Variants in FYB1 observed in about 807,000 individuals in gnomAD.
FYB1 encodes the protein FYN-binding protein 1.
In FYB1, 41 loss-of-function variants were observed where a neutral mutation model predicts 94.1. The ratio of observed to expected loss-of-function variants is 0.44; its 90% CI spans 0.34 to 0.57. The LOEUF is 0.57. FYB1 is among the 20% of genes least tolerant of loss of function. The probability of loss-of-function intolerance (pLI) is 0.02; values close to 1 mark genes in which losing one functional copy is unlikely to be tolerated. For missense variants in FYB1, 1,050 were observed against 976.8 expected (o/e 1.07, Z -1.00); for synonymous variants, 367 against 353.2 (o/e 1.04, Z -0.44).
At chr5:39,160,031 G>A (rs1744107385) in intron 2 of FYB1, among the ~76,000 whole-genome samples, 1 of 152,032 alleles carries the variant, frequency 6.6e-6, no homozygotes, top group Non-Finnish European at 1.5e-5. Context: ...CCCTACATTT[G>A]CTACTTCTAT....
intron 1 of FYB1, among the ~76,000 whole-genome samples, chr5:39,269,076 G>A (rs751325223): frequency 6.6e-6 from 1 of 151,588 alleles, no homozygotes; most frequent in Non-Finnish European, 1.5e-5. Flanking sequence ...TTGAGATGGA[G>A]TCTTGCTCTG....
chr5:39,182,269 T>TTG (rs377762853), intron 2 of FYB1, among the ~76,000 whole-genome samples: 1,565 of 135,396 alleles, frequency 0.012, 37 homozygotes, highest in African/African-American at 0.042. Flanking sequence ...CAAATGCTTT[T>TTG]TGTGTGTGTG....
Position 39,202,479 on chromosome 5 carries a change from G to T in FYB1, c.482C>A (p.Thr161Asn). Residue 161 changes from threonine to asparagine, a missense_variant, in exon 2 of 19, where the codon ACC becomes AAC. Thr to Asn is a moderately conservative substitution (Grantham distance 65, BLOSUM62 0). Transcript: ENST00000512982. ...CGCTTGCTTCTGTTCATTTTCTGAG[G>T]TTGGAGGAGTAGGCCCAGATTTCGG... ...LGPKSGPTPP[T>N]SENEQKQAFP... 1 of 1,613,954 alleles carries T rather than the reference G, an allele frequency of 6.2e-7. No homozygotes were observed. The highest frequency in any genetic ancestry group is 8.5e-7 in the Non-Finnish European group (1 of 1,179,888).
chr5:39,126,276 C>A (rs1483904480), intron 11 of FYB1, 141 bp from the exon 12 acceptor site: 1 of 857,832 alleles, frequency 1.2e-6, no homozygotes, highest in East Asian at 2.7e-5. Context: ...TTTTATTGGA[C>A]AAAATAGTGT....
chr5:39,220,181 G>A (rs1329190011), upstream of FYB1, among the ~76,000 whole-genome samples: 1 of 152,062 alleles, frequency 6.6e-6, no homozygotes, highest in East Asian at 1.9e-4. Flanking sequence ...GGCTGAGGCA[G>A]GAGGATTGCT....
At chr5:39,229,806 C>A (rs1413485076) in intron 1 of FYB1, among the ~76,000 whole-genome samples, 3 of 152,122 alleles carry the variant, frequency 2.0e-5, no homozygotes, top group Non-Finnish European at 4.4e-5. Flanking sequence ...GTATAATAGT[C>A]CAGATCCACT....
Position 39,219,509 on chromosome 5 carries a change from G to A in FYB1, c.-94C>T. On this transcript the variant is annotated 5_prime_UTR_variant, in exon 1 of 19. Transcript: ENST00000512982. Reference sequence around the variant, plus strand: ...TGGATCTTCCTGGGCCAGGGTCTGGGCCCTACTCACTTCTAGCTGTCGCAT... The same window carrying A: ...TGGATCTTCCTGGGCCAGGGTCTGGACCCTACTCACTTCTAGCTGTCGCAT... 3 of 985,456 alleles carry A rather than the reference G, an allele frequency of 3.0e-6. No homozygotes were observed. The highest frequency in any genetic ancestry group is 2.4e-6 in the Non-Finnish European group (2 of 829,950). 61.0% of individuals were successfully genotyped at this position (985,456 alleles called of 1,614,324 possible).
At chr5:39,154,840 C>T (rs575677163) in intron 2 of FYB1, among the ~76,000 whole-genome samples, 2 of 152,254 alleles carry the variant, frequency 1.3e-5, no homozygotes, top group South Asian at 4.1e-4. Context: ...AATCCACCCG[C>T]CTTGTCCTCC....
rs201436179 is a variant in FYB1 at position 39,201,855 on chromosome 5, G to C, written c.1106C>G (p.Thr369Arg). Residue 369 changes from threonine (T) to arginine (R), a missense_variant, in exon 2 of 19, where the codon ACG becomes AGG. Thr to Arg is a moderately conservative substitution (Grantham distance 71). Coordinates refer to ENST00000512982, the MANE Select transcript of FYB1 (RefSeq NM_001465.6). ...TCCAGAAGAGGTTTTGTGGAATTTC[G>C]TCAGGTCAACATTTGGTGGTCTGTT... ...KPNRPPNVDL[T>R]KFHKTSSGNS... 1.0e-4 allele frequency: 163 copies of C among 1,613,144 alleles called. No homozygotes were observed. In the African/African-American group the frequency reaches 1.8e-3, roughly 18 times the overall value.
chr5:39,131,080 G>A (rs1477156391), intron 9 of FYB1, among the ~76,000 whole-genome samples: 2 of 152,050 alleles, frequency 1.3e-5, no homozygotes, highest in African/African-American at 4.8e-5. Context: ...TCTTTAAAGG[G>A]AGAACTTTAA....
At chr5:39,179,456 CT>C (rs1185268821) in intron 2 of FYB1, among the ~76,000 whole-genome samples, 1 of 152,084 alleles carries the variant, frequency 6.6e-6, no homozygotes, top group Non-Finnish European at 1.5e-5. Context: ...TTTTCAGTAA[CT>C]TTTTACTTCA....
At chr5:39,181,883 G>A (rs1746276166) in intron 2 of FYB1, among the ~76,000 whole-genome samples, 1 of 151,590 alleles carries the variant, frequency 6.6e-6, no homozygotes, top group African/African-American at 2.4e-5. Flanking sequence ...TTTTTTAATT[G>A]TGGTAAGAAT....
chr5:39,231,762 A>T (rs1272028812), intron 1 of FYB1, among the ~76,000 whole-genome samples: 2 of 150,222 alleles, frequency 1.3e-5, no homozygotes, highest in African/African-American at 5.0e-5. Flanking sequence ...TCTCTTTCAC[A>T]GAGGGGAGAA....
intron 2 of FYB1, among the ~76,000 whole-genome samples, chr5:39,181,452 T>G (rs1428976): frequency 0.028 from 4,306 of 152,142 alleles, 212 homozygotes; most frequent in African/African-American, 0.098. Flanking sequence ...AACTGATAGA[T>G]CTATAGTCTG....
At chr5:39,190,906 C>A (rs1398136968) in intron 2 of FYB1, among the ~76,000 whole-genome samples, 1 of 152,024 alleles carries the variant, frequency 6.6e-6, no homozygotes, top group Non-Finnish European at 1.5e-5. Context: ...AAGCTGCAAT[C>A]TAGATCCTCA....
chr5:39,212,488 A>G (rs1225715759), intron 1 of FYB1, among the ~76,000 whole-genome samples: 1 of 152,120 alleles, frequency 6.6e-6, no homozygotes, highest in Non-Finnish European at 1.5e-5. Context: ...ACAATGTGGG[A>G]TATCCTCCCT....
At chr5:39,161,767 C>A (rs1324143056) in intron 2 of FYB1, among the ~76,000 whole-genome samples, 1 of 152,088 alleles carries the variant, frequency 6.6e-6, no homozygotes. Flanking sequence ...TACAGTTGTG[C>A]AACCAGTACT....
At chr5:39,140,203 C>T (rs375729942) in intron 4 of FYB1, among the ~76,000 whole-genome samples, 1 of 152,010 alleles carries the variant, frequency 6.6e-6, no homozygotes, top group Non-Finnish European at 1.5e-5. Flanking sequence ...GACAACTGAC[C>T]GAATGGGAGA....
intron 1 of FYB1, among the ~76,000 whole-genome samples, chr5:39,265,864 G>T (rs1353425616): frequency 1.3e-5 from 2 of 152,064 alleles, no homozygotes; most frequent in Non-Finnish European, 2.9e-5. Flanking sequence ...AACCTTTGTT[G>T]AATGAATGAG....
Sources: gnomAD v4.1 joint callset for allele counts (sites outside exome capture counted in the v4.1 genomes callset) on GRCh38, gnomAD v4.1.1 for gene constraint, MANE v1.5 for transcripts, NCBI Gene and HGNC (gene_info 2026-07-23, HGNC 2026-07-21) for gene names.